Variants in ZBTB7C observed in about 807,000 individuals in gnomAD.
The protein encoded by ZBTB7C is zinc finger and BTB domain-containing protein 7C.
A neutral mutation model predicts 25.7 loss-of-function variants in ZBTB7C; 8 were observed. The ratio of observed to expected loss-of-function variants is 0.31; its 90% CI spans 0.18 to 0.56. The LOEUF is 0.56. ZBTB7C is among the 20% of genes least tolerant of loss of function. The pLI is 0.91. For missense variants in ZBTB7C, 824 were observed against 855.2 expected, an observed-to-expected ratio of 0.96 and a Z score of 0.46; for synonymous variants, 394 against 369.0, an observed-to-expected ratio of 1.07 and a Z score of -0.78.
At chr18:48,057,807 CTA>C (rs2036974786) in intron 3 of ZBTB7C, among the ~76,000 whole-genome samples, 2 of 152,214 alleles carry the variant, frequency 1.3e-5, no homozygotes, top group Non-Finnish European at 2.9e-5. Flanking sequence ...CACTGGCTGT[CTA>C]TCTCATGGGT....
intron 1 of ZBTB7C, among the ~76,000 whole-genome samples, chr18:48,355,287 A>C (rs1300244438): frequency 2.0e-5 from 3 of 152,206 alleles, no homozygotes; most frequent in Admixed American, 6.5e-5. Context: ...GGGAACAGAG[A>C]GATCTCTGAG....
intron 2 of ZBTB7C, among the ~76,000 whole-genome samples, chr18:48,278,650 G>A (rs1019936605): frequency 4.6e-5 from 7 of 152,006 alleles, no homozygotes; most frequent in South Asian, 2.1e-4. Context: ...GGCTGGTCTC[G>A]AACTCCTGAC....
At chr18:48,180,957 T>C (rs2041903269) in intron 3 of ZBTB7C, among the ~76,000 whole-genome samples, 1 of 152,230 alleles carries the variant, frequency 6.6e-6, no homozygotes. Context: ...ATTCTAGCAC[T>C]TACTGGCTGT....
At chr18:48,358,840 CT>C (rs1351111278) in intron 1 of ZBTB7C, among the ~76,000 whole-genome samples, 3 of 152,176 alleles carry the variant, frequency 2.0e-5, no homozygotes, top group Non-Finnish European at 4.4e-5. Flanking sequence ...TGAACTTTAT[CT>C]CAATAAATGA....
chr18:48,305,349 C>T (rs1222263345), intron 2 of ZBTB7C, among the ~76,000 whole-genome samples: 2 of 152,164 alleles, frequency 1.3e-5, no homozygotes, highest in Non-Finnish European at 2.9e-5. Flanking sequence ...CTGTGATTTA[C>T]GTGGGACTGT....
At chr18:48,168,023 G>T (rs1266238531) in intron 3 of ZBTB7C, among the ~76,000 whole-genome samples, 1 of 152,172 alleles carries the variant, frequency 6.6e-6, no homozygotes, top group Non-Finnish European at 1.5e-5. Flanking sequence ...AAACAAGTCC[G>T]CATGCTTTGA....
At chr18:48,081,572 C>T (rs887046159) in intron 3 of ZBTB7C, among the ~76,000 whole-genome samples, 20 of 151,888 alleles carry the variant, frequency 1.3e-4, no homozygotes, top group African/African-American at 4.6e-4. Flanking sequence ...CATTCTCCTG[C>T]CTCAGCCTCC....
chr18:48,159,603 C>CAG (rs1485404847), intron 3 of ZBTB7C, among the ~76,000 whole-genome samples: 2 of 152,230 alleles, frequency 1.3e-5, no homozygotes, highest in Non-Finnish European at 2.9e-5. Flanking sequence ...AAGCTCAACT[C>CAG]TCCTAAGTTT....
intron 1 of ZBTB7C, among the ~76,000 whole-genome samples, chr18:48,407,826 C>T (rs1029156965): frequency 1.1e-4 from 17 of 152,112 alleles, no homozygotes; most frequent in Non-Finnish European, 2.2e-4. Context: ...CCACCTCTCA[C>T]GCAGTTTTGT....
intron 2 of ZBTB7C, among the ~76,000 whole-genome samples, chr18:48,335,947 C>T (rs182362038): frequency 3.6e-4 from 55 of 152,254 alleles, no homozygotes; most frequent in East Asian, 2.9e-3. Context: ...ATCTGAAGCC[C>T]GCCCCAGTGG....
intron 2 of ZBTB7C, among the ~76,000 whole-genome samples, chr18:48,283,114 G>A (rs1342799049): frequency 1.3e-5 from 2 of 152,154 alleles, no homozygotes; most frequent in Non-Finnish European, 2.9e-5. Context: ...TTAAGAAAGG[G>A]AATTTGGCAA....
chr18:48,175,313 G>A (rs1195930265), intron 3 of ZBTB7C, among the ~76,000 whole-genome samples: 2 of 152,154 alleles, frequency 1.3e-5, no homozygotes, highest in East Asian at 3.8e-4. Context: ...AATTCTGAGA[G>A]TATTTTTAGA....
rs888464641 is a variant in ZBTB7C, at chr18:48,044,726, C to G, written c.-16-3603G>C. 3.9e-5 allele frequency among the ~76,000 whole-genome samples: 6 copies of G among 152,362 alleles called. No homozygotes were observed. In the Middle Eastern group the frequency reaches 0.01, roughly 259 times the overall value. On this transcript the variant is annotated intron_variant, in intron 3 of 4. Coordinates refer to ENST00000590800, the MANE Select transcript of ZBTB7C (RefSeq NM_001318841.2). Reference sequence around the variant, plus strand: ...CATTTATATAACAGGACCCATGAAACGAACTGGGAGGATAGGGCAGGACAA... The same window carrying G: ...CATTTATATAACAGGACCCATGAAAGGAACTGGGAGGATAGGGCAGGACAA...
chr18:48,376,329 G>A lies in ZBTB7C; in HGVS notation c.-304+32897C>T, dbSNP rs370312983. Reference sequence around the variant, plus strand: ...GAGTCTGCGACAGAAAAGATGATTCGGAAGGAAGGGTTTTCCGGGCCTCTC... The same window carrying A: ...GAGTCTGCGACAGAAAAGATGATTCAGAAGGAAGGGTTTTCCGGGCCTCTC... On this transcript the variant is annotated intron_variant, in intron 1 of 4. Transcript: ENST00000590800. 5.4e-4 allele frequency among the ~76,000 whole-genome samples: 82 copies of A among 151,934 alleles called. 2 individuals carry two copies. The South Asian group carries it at 0.016, about 29-fold the overall frequency.
At chr18:48,295,142 G>A (rs965470954) in intron 2 of ZBTB7C, among the ~76,000 whole-genome samples, 1 of 152,148 alleles carries the variant, frequency 6.6e-6, no homozygotes, top group African/African-American at 2.4e-5. Flanking sequence ...CTCAATTTCT[G>A]TACACATCAG....
chr18:48,104,208 G>A (rs2038947516), intron 3 of ZBTB7C, among the ~76,000 whole-genome samples: 1 of 152,094 alleles, frequency 6.6e-6, no homozygotes, highest in African/African-American at 2.4e-5. Context: ...CCTTATGAAC[G>A]GCTTAGTGCT....
intron 3 of ZBTB7C, among the ~76,000 whole-genome samples, chr18:48,069,598 GC>G (rs1179397551): frequency 1.3e-5 from 2 of 152,032 alleles, no homozygotes; most frequent in Non-Finnish European, 2.9e-5. Context: ...AGCAAGTCGG[GC>G]CCCTCTATCC....
rs1043276605 is a variant in ZBTB7C at position 48,246,386 on chromosome 18, C to T, written c.-78-60391G>A. On this transcript the variant is annotated intron_variant, in intron 2 of 4. Transcript: ENST00000590800. Reference sequence around the variant, plus strand: ...CGGAGCTTGCAGTGAGCTGAGATCACACCACTGCACTCCAGCCTGGGCAAG... The same window carrying T: ...CGGAGCTTGCAGTGAGCTGAGATCATACCACTGCACTCCAGCCTGGGCAAG... 2.0e-5 allele frequency among the ~76,000 whole-genome samples: 3 copies of T among 151,680 alleles called. No homozygotes were observed. In the East Asian group the frequency reaches 5.8e-4, roughly 29 times the overall value.
intron 1 of ZBTB7C, among the ~76,000 whole-genome samples, chr18:48,404,221 C>T (rs914809220): frequency 6.6e-6 from 1 of 152,084 alleles, no homozygotes; most frequent in African/African-American, 2.4e-5. Context: ...CGCTGCACAT[C>T]AGCCTGGGTG....
Sources: gnomAD v4.1 joint callset for allele counts (sites outside exome capture counted in the v4.1 genomes callset) on GRCh38, gnomAD v4.1.1 for gene constraint, MANE v1.5 for transcripts, NCBI Gene and HGNC (gene_info 2026-07-23, HGNC 2026-07-21) for gene names.